The following SEC61A2 variants were observed in gnomAD, a reference collection of about 807,000 sequenced individuals.
The protein encoded by SEC61A2 is SEC61 translocon subunit alpha 2.
Under a neutral mutation model 59.9 loss-of-function variants are expected in SEC61A2, and 28 were observed. The observed-to-expected ratio is 0.47, with a 90% CI of 0.35 to 0.64. The LOEUF (loss-of-function observed/expected upper bound fraction) is 0.64. Ranked by LOEUF, SEC61A2 falls within the 30% of genes least tolerant of loss-of-function variation. The pLI is 0.01. For missense variants in SEC61A2, 340 were observed against 585.9 expected, an observed-to-expected ratio of 0.58 and a Z score of 4.33; for synonymous variants, 202 against 214.4, an observed-to-expected ratio of 0.94 and a Z score of 0.50.
At chr10:12,130,663 A>C (rs1833713723) in intron 1 of SEC61A2, 1 of 154,384 alleles carries the variant, frequency 6.5e-6, no homozygotes, top group East Asian at 1.9e-4. Context: ...GAGAGGTTCT[A>C]GGAAGCCTCC....
chr10:12,165,381 G>GA lies in SEC61A2; in HGVS notation c.*933dup, dbSNP rs1320302446. The GA allele has an allele frequency of 6.2e-6, 6 of 969,260 alleles. No homozygotes were observed. The highest frequency in any genetic ancestry group is 7.4e-6 in the Non-Finnish European group (6 of 815,520). The allele number at this position is 969,260 out of a possible 1,614,324, so 60.0% of individuals were successfully genotyped here. A position where few individuals can be genotyped will look rare whatever the true frequency, so the allele number is the denominator to read the frequency against. On this transcript the variant is annotated 3_prime_UTR_variant, in exon 12 of 12. Coordinates refer to ENST00000298428, the MANE Select transcript of SEC61A2 (RefSeq NM_018144.4). ...TAAGAAAACTGATTCAGTTGTGTTG[G>GA]AAAAAATAAAGAAATCTGATATTAA...
Position 12,164,981 on chromosome 10 carries a change from T to G in SEC61A2, c.*527T>G. On this transcript the variant is annotated 3_prime_UTR_variant, in exon 12 of 12. Transcript: ENST00000298428. The surrounding 1 kb of genome is among the most constrained non-coding windows in gnomAD (Gnocchi z 7.3). The stretch of plus-strand genomic sequence containing the variant: ...ATTTGTCCCTTCTCAAAGCAGCCAC[T>G]TAGCCCACATGGGCGAAATCAAGTC... 1.2e-6 allele frequency: 1 copy of G among 850,256 alleles called. No individual in the cohort carries two copies. The highest frequency in any genetic ancestry group is 1.4e-6 in the Non-Finnish European group (1 of 727,314). 52.7% of individuals were successfully genotyped at this position (850,256 alleles called of 1,614,324 possible). A position where few individuals can be genotyped will look rare whatever the true frequency, so the allele number is the denominator to read the frequency against.
chr10:12,167,875 A>G, downstream of SEC61A2: 1 of 1,602,764 alleles, frequency 6.2e-7, no homozygotes, highest in Non-Finnish European at 8.5e-7. Context: ...ATCTTATTCA[A>G]TCAGTGTTTG....
At chr10:12,132,655 G>T (rs888705860) in intron 1 of SEC61A2, among the ~76,000 whole-genome samples, 1 of 128,690 alleles carries the variant, frequency 7.8e-6, no homozygotes. Flanking sequence ...GTGATTCCAT[G>T]ATTTTTTTGT....
Position 12,153,889 on chromosome 10 carries a change from G to C in SEC61A2, c.463-1889G>C, listed in dbSNP as rs1834340193. On this transcript the variant is annotated intron_variant, in intron 6 of 11. Transcript: ENST00000298428. The surrounding 1 kb of genome is among the most constrained non-coding windows in gnomAD (Gnocchi z 5.2). ...TGTTTATGTTTCATTCACGTGGTTA[G>C]TGTTTTTCAGCTAGTGAGTTTAGAA... The C allele has an allele frequency of 7.6e-7, 1 of 1,322,538 alleles. No homozygotes were observed. Among genetic ancestry groups the C allele is most frequent in the East Asian group, 2.6e-5 (1 of 38,246 alleles). 81.9% of individuals were successfully genotyped at this position (1,322,538 alleles called of 1,614,324 possible). A position where few individuals can be genotyped will look rare whatever the true frequency, so the allele number is the denominator to read the frequency against.
chr10:12,148,480 G>C (rs1286892217), intron 4 of SEC61A2, among the ~76,000 whole-genome samples: 1 of 150,494 alleles, frequency 6.6e-6, no homozygotes, highest in African/African-American at 2.4e-5. Flanking sequence ...CCTGACCTTA[G>C]GTGATCTGCC....
intron 6 of SEC61A2, among the ~76,000 whole-genome samples, chr10:12,150,807 C>G (rs897670146): frequency 6.7e-6 from 1 of 149,278 alleles, no homozygotes; most frequent in African/African-American, 2.5e-5. Context: ...CGGAGTCTCA[C>G]TCTGTTGCCC....
At chr10:12,136,651 A>T (rs1309474726) in intron 3 of SEC61A2, among the ~76,000 whole-genome samples, 1 of 151,798 alleles carries the variant, frequency 6.6e-6, no homozygotes, top group Non-Finnish European at 1.5e-5. Context: ...ATTTTTTGAG[A>T]TGGAGTTTCA....
chr10:12,169,220 TC>T, downstream of SEC61A2: 2 of 1,396,322 alleles, frequency 1.4e-6, no homozygotes, highest in Admixed American at 2.0e-5. The surrounding 1 kb of genome is among the most constrained non-coding windows in gnomAD (Gnocchi z 4.8). Flanking sequence ...TCTCTCCACC[TC>T]CCCTCACTTA....
In SEC61A2 at chr10:12,162,430, TG is replaced by T. The variant is rs755824253; in HGVS notation, c.1244+142del. The T allele has an allele frequency of 3.6e-6, 3 of 826,842 alleles. No individual in the cohort carries two copies. Among genetic ancestry groups the T allele is most frequent in the South Asian group, 2.7e-5 (2 of 75,012 alleles). 51.2% of individuals were successfully genotyped at this position (826,842 alleles called of 1,614,324 possible). A position where few individuals can be genotyped will look rare whatever the true frequency, so the allele number is the denominator to read the frequency against. On this transcript the variant is annotated intron_variant, in intron 11 of 11. Coordinates refer to ENST00000298428, the MANE Select transcript of SEC61A2 (RefSeq NM_018144.4). This position sits in a 1 kb window ranked among gnomAD's most constrained non-coding sequence, Gnocchi z 6.1. Reference sequence around the variant, plus strand: ...ATGAATCAAAATTTCACACAAAACTTGTTTTCCATGTCAAAACCAACACCTG... The same window carrying T: ...ATGAATCAAAATTTCACACAAAACTTTTTTCCATGTCAAAACCAACACCTG...
At chr10:12,167,555 A>G, downstream of SEC61A2, 1 of 698,364 alleles carries the variant, frequency 1.4e-6, no homozygotes, top group Non-Finnish European at 2.3e-6. Flanking sequence ...TGTAATTACA[A>G]TTCCATACCA....
intron 1 of SEC61A2, among the ~76,000 whole-genome samples, chr10:12,132,225 C>CG (rs982883087): frequency 1.1e-4 from 16 of 149,018 alleles, no homozygotes; most frequent in African/African-American, 4.0e-4. Flanking sequence ...CACTTGAACC[C>CG]GGGGGGCGGA....
intron 4 of SEC61A2, among the ~76,000 whole-genome samples, chr10:12,146,558 C>T (rs909101191): frequency 6.6e-6 from 1 of 152,002 alleles, no homozygotes; most frequent in Admixed American, 6.5e-5. Context: ...CGCTCTGTCA[C>T]CCAGGCTGGA....
intron 3 of SEC61A2, among the ~76,000 whole-genome samples, chr10:12,141,065 A>C (rs2131655792): frequency 6.6e-6 from 1 of 152,016 alleles, no homozygotes; most frequent in East Asian, 1.9e-4. Context: ...ACTCCCTGCT[A>C]ATTTTTGTAT....
At chr10:12,157,183 T>C in intron 8 of SEC61A2, 116 bp downstream of exon 8, 1 of 1,056,412 alleles carries the variant, frequency 9.5e-7, no homozygotes. Flanking sequence ...TCAAGGGAAA[T>C]AAAATTTTGC....
At position 12,155,710 on chromosome 10, in the gene SEC61A2, A is replaced by G. The variant is rs1275468410; in HGVS notation, c.463-68A>G. The G allele has an allele frequency of 8.2e-6, 13 of 1,578,478 alleles. No homozygotes were observed. The highest frequency in any genetic ancestry group is 5.6e-5 in the South Asian group (5 of 89,596). On this transcript the variant is annotated intron_variant, in intron 6 of 11. Coordinates refer to ENST00000298428, the MANE Select transcript of SEC61A2 (RefSeq NM_018144.4). This position sits in a 1 kb window ranked among gnomAD's most constrained non-coding sequence, Gnocchi z 4.3. ...AACGCCCCTAGCTTGGAAATAGCCA[A>G]TGGTGTTCCTCTCCCCCTTTCTTGA...
intron 8 of SEC61A2, 123 bp from the exon 9 acceptor site, chr10:12,157,785 G>A: frequency 1.2e-6 from 1 of 853,410 alleles, no homozygotes; most frequent in Non-Finnish European, 1.8e-6. Context: ...ACAGGCCTGA[G>A]CCCCTGTGCC....
chr10:12,162,152 TG>T lies in SEC61A2; in HGVS notation c.1168-59del. The T allele has an allele frequency of 7.7e-7, 1 of 1,298,842 alleles. No individual in the cohort carries two copies. The highest frequency in any genetic ancestry group is 1.1e-6 in the Non-Finnish European group (1 of 894,542). 80.5% of individuals were successfully genotyped at this position (1,298,842 alleles called of 1,614,324 possible). A position where few individuals can be genotyped will look rare whatever the true frequency, so the allele number is the denominator to read the frequency against. ...TGTGGCGAGCACTTCGCATAGAACG[TG>T]GTAGATGTAAGCAGTGAAATGTTCC... is the stretch of plus-strand genomic sequence containing the variant. On this transcript the variant is annotated intron_variant, in intron 10 of 11. Transcript: ENST00000298428. This position sits in a 1 kb window ranked among gnomAD's most constrained non-coding sequence, Gnocchi z 6.1.
rs1339498697 is a variant in SEC61A2 at position 12,155,247 on chromosome 10, TTTTA to T, written c.463-528_463-525del. On this transcript the variant is annotated intron_variant, in intron 6 of 11. Transcript: ENST00000298428. This position sits in a 1 kb window ranked among gnomAD's most constrained non-coding sequence, Gnocchi z 4.3. ...TTGAGTACATATTTGTGTTCTAGTT[TTTTA>T]TTCTGTACACATTTTATAGAGTATA... 2 of 1,185,746 alleles carry T rather than the reference TTTTA, an allele frequency of 1.7e-6. No homozygotes were observed. The highest frequency in any genetic ancestry group is 3.4e-5 in the Admixed American group (1 of 29,302). The allele number at this position is 1,185,746 out of a possible 1,614,324, so 73.5% of individuals were successfully genotyped here.
Sources: allele counts gnomAD v4.1 joint callset (sites outside exome capture counted in the v4.1 genomes callset), GRCh38; gene constraint gnomAD v4.1.1; non-coding constraint Gnocchi (gnomAD v3.1); transcripts MANE v1.5; gene names NCBI Gene and HGNC (gene_info 2026-07-23, HGNC 2026-07-21).